TEK: variants seen among roughly 807,000 people sequenced by gnomAD.
TEK encodes angiopoietin-1 receptor.
A neutral mutation model predicts 131.8 loss-of-function variants in TEK; 43 were observed. That is an observed-to-expected ratio of 0.33 (90% confidence interval 0.26 to 0.42). TEK has a LOEUF of 0.42. Among genes scored for constraint, TEK ranks in the 10% least tolerant of loss-of-function variants. The pLI, the probability that TEK is intolerant of heterozygous loss-of-function variation, is 1.00. For missense variants in TEK, 1,162 were observed against 1,384.4 expected, an observed-to-expected ratio of 0.84 and a Z score of 2.55; for synonymous variants, 580 against 491.6, an observed-to-expected ratio of 1.18 and a Z score of -2.38.
chr9:27,192,517 T>C lies in TEK; in HGVS notation c.1518T>C (p.Tyr506=), dbSNP rs746967218. Residue 506 remains tyrosine (Y), a synonymous_variant, in exon 11 of 23, where the codon TAT becomes TAC. Transcript: ENST00000380036. ...QVTNEIVTLN[Y]LEPRTEYELC... ...CAAATGAGATTGTTACACTCAACTA[T>C]TTGGAACCTCGGACAGAATATGAAC... 12 of 1,613,886 alleles carry C rather than the reference T, an allele frequency of 7.4e-6. No homozygotes were observed. Among genetic ancestry groups the C allele is most frequent in the African/African-American group, 1.3e-5 (1 of 74,884 alleles).
Position 27,157,817 on chromosome 9 carries a change from C to G in TEK, c.53-14C>G. 1.9e-6 allele frequency: 3 copies of G among 1,614,070 alleles called. No individual in the cohort carries two copies. The highest frequency in any genetic ancestry group is 2.5e-6 in the Non-Finnish European group (3 of 1,179,942). On this transcript the variant is annotated splice_polypyrimidine_tract_variant and intron_variant, in intron 1 of 22. Transcript: ENST00000380036. Reference sequence around the variant, plus strand: ...TAACCTTAGTCATACATTATTGTCTCTCTTTCCTTTTAGGAACTGTGGAAG... The same window carrying G: ...TAACCTTAGTCATACATTATTGTCTGTCTTTCCTTTTAGGAACTGTGGAAG...
intron 11 of TEK, among the ~76,000 whole-genome samples, chr9:27,197,019 C>T (rs550099005): frequency 6.5e-5 from 9 of 139,198 alleles, no homozygotes; most frequent in South Asian, 2.5e-4. Flanking sequence ...CCCCCTCCCC[C>T]GGCAATTGAA....
chr9:27,160,574 A>G (rs1190408238), intron 2 of TEK, among the ~76,000 whole-genome samples: 1 of 152,204 alleles, frequency 6.6e-6, no homozygotes, highest in African/African-American at 2.4e-5. Context: ...ACCATGGACC[A>G]CGCTTTGAGT....
At chr9:27,226,070 G>A (rs10967786) in intron 21 of TEK, among the ~76,000 whole-genome samples, 1 of 152,052 alleles carries the variant, frequency 6.6e-6, no homozygotes, top group South Asian at 2.1e-4. Flanking sequence ...TCATTAAAAA[G>A]TCAGGAAATG....
At chr9:27,137,519 C>G (rs1358601742) in intron 1 of TEK, among the ~76,000 whole-genome samples, 4 of 151,990 alleles carry the variant, frequency 2.6e-5, no homozygotes, top group African/African-American at 9.7e-5. Context: ...ATTAGCAAAA[C>G]CAGCTGGCCC....
Position 27,189,869 on chromosome 9 carries a change from T to G in TEK, c.1328-660T>G, listed in dbSNP as rs139340918. Among the ~76,000 whole-genome samples the G allele has an allele frequency of 7.4e-4, 112 of 152,092 alleles. 1 individual carries two copies. The highest frequency in any genetic ancestry group is 2.1e-3 in the African/African-American group (89 of 41,482). ...TGGCTGAAAGAGAGAGATATATATATATAGAGAGAGAATGAATTATGATCT... is the reference window on the plus strand; with the variant it reads ...TGGCTGAAAGAGAGAGATATATATAGATAGAGAGAGAATGAATTATGATCT... On this transcript the variant is annotated intron_variant, in intron 9 of 22. Coordinates refer to ENST00000380036, the MANE Select transcript of TEK (RefSeq NM_000459.5).
At chr9:27,156,946 T>C (rs1484671630) in intron 1 of TEK, among the ~76,000 whole-genome samples, 3 of 151,592 alleles carry the variant, frequency 2.0e-5, no homozygotes, top group Non-Finnish European at 4.4e-5. Context: ...ACACAGACTC[T>C]ATCTGCTCAT....
intron 18 of TEK, among the ~76,000 whole-genome samples, chr9:27,216,460 G>A (rs1825823908): frequency 6.6e-6 from 1 of 152,118 alleles, no homozygotes; most frequent in Admixed American, 6.6e-5. Flanking sequence ...GAGTGAATGA[G>A]GGCAAAAAGA....
At position 27,224,719 on chromosome 9, in the gene TEK, C is replaced by T. The variant is rs550250113; in HGVS notation, c.3201-3487C>T. Among the ~76,000 whole-genome samples the T allele has an allele frequency of 2.6e-5, 4 of 152,288 alleles. No individual in the cohort carries two copies. In the East Asian group the frequency reaches 7.7e-4, roughly 29 times the overall value. On this transcript the variant is annotated intron_variant, in intron 21 of 22. Transcript: ENST00000380036. The stretch of plus-strand genomic sequence containing the variant: ...CATAAGACAAGGATGCCCTCTCTCG[C>T]CCCTCCTGTTCAACGTAGGATTGAA...
intron 1 of TEK, among the ~76,000 whole-genome samples, chr9:27,141,057 A>G (rs1256005620): frequency 6.6e-6 from 1 of 152,006 alleles, no homozygotes; most frequent in African/African-American, 2.4e-5. Flanking sequence ...TGAATGTTCC[A>G]CAAGCATCAT....
chr9:27,180,119 CT>C, intron 6 of TEK, 120 bp from the exon 7 acceptor site: 1 of 1,423,396 alleles, frequency 7.0e-7, no homozygotes, highest in Non-Finnish European at 9.8e-7. Context: ...AAATTACCCC[CT>C]ACCTTACACA....
chr9:27,197,736 C>A (rs1403079387), intron 12 of TEK, 137 bp downstream of exon 12: 21 of 1,058,010 alleles, frequency 2.0e-5, no homozygotes, highest in East Asian at 5.2e-5. Flanking sequence ...TAGTGCCCCC[C>A]ACCTAATCAT....
chr9:27,170,648 G>A (rs1354124788), intron 4 of TEK, among the ~76,000 whole-genome samples: 1 of 152,040 alleles, frequency 6.6e-6, no homozygotes, highest in Non-Finnish European at 1.5e-5. Context: ...GAAAAGATAA[G>A]CTTCAAGGAA....
At chr9:27,131,411 G>A (rs1301553149) in intron 1 of TEK, among the ~76,000 whole-genome samples, 2 of 150,980 alleles carry the variant, frequency 1.3e-5, no homozygotes, top group African/African-American at 2.4e-5. Context: ...CCCAGGAAGC[G>A]GAGGTTACAG....
chr9:27,130,460 G>A (rs1822165578), intron 1 of TEK, among the ~76,000 whole-genome samples: 1 of 151,974 alleles, frequency 6.6e-6, no homozygotes, highest in Non-Finnish European at 1.5e-5. Flanking sequence ...ATTTTCATAT[G>A]GGAAGGACTT....
Position 27,190,595 on chromosome 9 carries a change from T to C in TEK, c.1394T>C (p.Ile465Thr). ...GGACATAACTTTGCTGTCATCAACA[T>C]CAGCTCTGAGCCTTACTTTGGGGAT... ...DTGHNFAVIN[I>T]SSEPYFGDGP... Residue 465 changes from isoleucine to threonine, a missense_variant, in exon 10 of 23, where the codon ATC becomes ACC. Transcript: ENST00000380036. The C allele has an allele frequency of 6.2e-7, 1 of 1,614,058 alleles. No individual in the cohort carries two copies. The highest frequency in any genetic ancestry group is 1.1e-5 in the South Asian group (1 of 91,086).
At chr9:27,124,157 T>C (rs960557542) in intron 1 of TEK, among the ~76,000 whole-genome samples, 1 of 152,380 alleles carries the variant, frequency 6.6e-6, no homozygotes, top group African/African-American at 2.4e-5. Context: ...CAGGCTGAGC[T>C]TGCATCCCAG....
At chr9:27,173,161 ATT>A in intron 5 of TEK, 59 bp from the exon 6 acceptor site, 1 of 1,600,910 alleles carries the variant, frequency 6.2e-7, no homozygotes. Flanking sequence ...AATCTAAAGA[ATT>A]ATGTATTTCA....
intron 21 of TEK, among the ~76,000 whole-genome samples, chr9:27,223,506 C>A (rs1826175993): frequency 6.6e-6 from 1 of 152,170 alleles, no homozygotes; most frequent in African/African-American, 2.4e-5. Flanking sequence ...ACAACCTGCT[C>A]CTGAATGACT....
Sources: allele counts gnomAD v4.1 joint callset (sites outside exome capture counted in the v4.1 genomes callset), GRCh38; gene constraint gnomAD v4.1.1; transcripts MANE v1.5; gene names NCBI Gene and HGNC (gene_info 2026-07-23, HGNC 2026-07-21).